SOX6: variants seen among roughly 807,000 people sequenced by gnomAD.
SOX6 encodes the protein SRY-box transcription factor 6.
In SOX6, 11 loss-of-function variants were observed where a neutral mutation model predicts 97.8. That is an observed-to-expected ratio of 0.11 (90% CI 0.07 to 0.19). The LOEUF (loss-of-function observed/expected upper bound fraction) is 0.19, where lower values mean the gene tolerates loss of function less well. SOX6 is among the 10% of genes least tolerant of loss of function. SOX6 has a pLI of 1.00. For missense variants in SOX6, 810 were observed against 1,039.5 expected (o/e 0.78, Z 3.04); for synonymous variants, 360 against 371.4 (o/e 0.97, Z 0.35).
intron 2 of SOX6, among the ~76,000 whole-genome samples, chr11:16,338,467 A>C (rs1351432970): frequency 6.6e-6 from 1 of 152,010 alleles, no homozygotes; most frequent in Non-Finnish European, 1.5e-5. Context: ...AGTATAAGTC[A>C]TTACAGGTCT....
chr11:16,018,228 C>G (rs908742891), intron 12 of SOX6, among the ~76,000 whole-genome samples: 2 of 152,064 alleles, frequency 1.3e-5, no homozygotes, highest in African/African-American at 4.8e-5. Flanking sequence ...GAGTCAATGA[C>G]GGGGCAGCCT....
chr11:16,143,492 C>A (rs1401351059), intron 6 of SOX6, among the ~76,000 whole-genome samples: 4 of 152,158 alleles, frequency 2.6e-5, no homozygotes, highest in Non-Finnish European at 5.9e-5. Flanking sequence ...ATCAAATTCA[C>A]ACATAAGAAT....
chr11:16,594,978 C>T (rs1848195677), intron 4 of SOX6, among the ~76,000 whole-genome samples: 2 of 152,126 alleles, frequency 1.3e-5, no homozygotes, highest in African/African-American at 4.8e-5. Flanking sequence ...AGGCGTGAGC[C>T]ACCGCGCCCG....
In SOX6 at chr11:16,613,510, C is replaced by T. The variant is rs1456027683; in HGVS notation, n.430-1250G>A. On this transcript the variant is annotated intron_variant and non_coding_transcript_variant, in intron 3 of 5. Coordinates refer to the SOX6 transcript ENST00000524520. This position sits in a 1 kb window ranked among gnomAD's most constrained non-coding sequence, Gnocchi z 4.6. ...CGAAGCCCCAGCCCGCTGGGTCGCT[C>T]GGCCTGAGGGCTCAGGTGATGGAGA... is the stretch of plus-strand genomic sequence containing the variant. Among the ~76,000 whole-genome samples, 1 of 152,132 alleles carries T rather than the reference C, an allele frequency of 6.6e-6. No individual in the cohort carries two copies. The highest frequency in any genetic ancestry group is 1.5e-5 in the Non-Finnish European group (1 of 68,016).
chr11:16,575,920 C>A (rs73419003), intron 4 of SOX6, among the ~76,000 whole-genome samples: 4,956 of 152,176 alleles, frequency 0.033, 254 homozygotes, highest in African/African-American at 0.11. Flanking sequence ...ATTTTAAATA[C>A]CTTATATGTT....
chr11:16,679,912 A>T (rs1847913307), intron 3 of SOX6, among the ~76,000 whole-genome samples: 1 of 152,220 alleles, frequency 6.6e-6, no homozygotes, highest in Non-Finnish European at 1.5e-5. Flanking sequence ...ATTAGAGAAA[A>T]AAGAATGAAA....
chr11:16,680,171 G>C (rs536762910), intron 3 of SOX6, among the ~76,000 whole-genome samples: 1 of 152,294 alleles, frequency 6.6e-6, no homozygotes, highest in East Asian at 1.9e-4. Flanking sequence ...ATTCACCAAG[G>C]TTGAAATGAA....
intron 3 of SOX6, among the ~76,000 whole-genome samples, chr11:16,642,586 C>T (rs888082868): frequency 5.3e-5 from 8 of 152,178 alleles, no homozygotes; most frequent in African/African-American, 1.9e-4. Flanking sequence ...TCACATAGCC[C>T]ATATTTCTTG....
At chr11:16,237,432 C>G (rs1853057928) in intron 3 of SOX6, among the ~76,000 whole-genome samples, 2 of 151,972 alleles carry the variant, frequency 1.3e-5, no homozygotes, top group Non-Finnish European at 2.9e-5. Flanking sequence ...AAAACAATAT[C>G]CAGGTATGGG....
intron 3 of SOX6, chr11:16,313,983 C>G (rs933134095): frequency 6.6e-6 from 1 of 152,036 alleles, no homozygotes; most frequent in Non-Finnish European, 1.5e-5. Flanking sequence ...CCCTCATTAT[C>G]TCTAGCTTGA....
At chr11:16,208,150 T>G (rs1852122821) in intron 4 of SOX6, among the ~76,000 whole-genome samples, 1 of 152,224 alleles carries the variant, frequency 6.6e-6, no homozygotes, top group South Asian at 2.1e-4. Context: ...TTTGAATAAT[T>G]GTGTAGACTT....
chr11:16,020,243 G>A (rs1855012464), intron 12 of SOX6, among the ~76,000 whole-genome samples: 1 of 151,806 alleles, frequency 6.6e-6, no homozygotes, highest in African/African-American at 2.4e-5. Context: ...ATAGCCTCTT[G>A]CCCTCAACCC....
intron 3 of SOX6, among the ~76,000 whole-genome samples, chr11:16,306,531 C>T (rs1251804236): frequency 6.6e-6 from 1 of 150,894 alleles, no homozygotes; most frequent in Non-Finnish European, 1.5e-5. Context: ...GTATGTTGGA[C>T]TAAATAACTA....
intron 6 of SOX6, among the ~76,000 whole-genome samples, chr11:16,175,554 C>T (rs1282821209): frequency 6.6e-6 from 1 of 151,848 alleles, no homozygotes; most frequent in Non-Finnish European, 1.5e-5. Flanking sequence ...AATAACACAT[C>T]TTATTCTCTA....
chr11:16,343,657 T>C (rs1389978157), intron 1 of SOX6, among the ~76,000 whole-genome samples: 4 of 151,860 alleles, frequency 2.6e-5, no homozygotes, highest in African/African-American at 9.7e-5. Context: ...TTTCCTGCAA[T>C]TACATTAAAT....
rs1848426494 is a variant in SOX6 at position 16,613,503 on chromosome 11, G to T, written n.430-1243C>A. Among the ~76,000 whole-genome samples the T allele has an allele frequency of 6.6e-6, 1 of 152,032 alleles. No homozygotes were observed. Among genetic ancestry groups the T allele is most frequent in the African/African-American group, 2.4e-5 (1 of 41,378 alleles). On this transcript the variant is annotated intron_variant and non_coding_transcript_variant, in intron 3 of 5. Coordinates refer to the SOX6 transcript ENST00000524520. The surrounding 1 kb of genome is among the most constrained non-coding windows in gnomAD (Gnocchi z 4.6). ...GTGGTTCCGAAGCCCCAGCCCGCTGGGTCGCTCGGCCTGAGGGCTCAGGTG... is the reference window on the plus strand; with the variant it reads ...GTGGTTCCGAAGCCCCAGCCCGCTGTGTCGCTCGGCCTGAGGGCTCAGGTG...
chr11:16,201,923 G>A lies in SOX6; in HGVS notation c.536-14968C>T, dbSNP rs541068643. The stretch of plus-strand genomic sequence containing the variant: ...GCTGGGATTACAGGCGTGAGCCACC[G>A]CGCCCGGCCTGCAAAGTATTTTTAA... On this transcript the variant is annotated intron_variant, in intron 4 of 15. Coordinates refer to ENST00000683767, the MANE Select transcript of SOX6 (RefSeq NM_001367873.1). 1.5e-3 allele frequency among the ~76,000 whole-genome samples: 221 copies of A among 151,634 alleles called. 3 individuals are homozygous for A. Among genetic ancestry groups the A allele is most frequent in the Non-Finnish European group, 2.5e-3 (173 of 67,960 alleles).
chr11:16,264,891 A>C (rs1854027214), intron 3 of SOX6: 1 of 151,668 alleles, frequency 6.6e-6, no homozygotes, highest in Non-Finnish European at 1.5e-5. Context: ...TTTGAGAAAT[A>C]AGGTTTCAAG....
chr11:16,210,434 C>A (rs1028311643), intron 4 of SOX6, among the ~76,000 whole-genome samples: 2 of 152,032 alleles, frequency 1.3e-5, no homozygotes, highest in African/African-American at 4.8e-5. Context: ...CCAGAATAGG[C>A]AAATCTACAG....
Sources: gnomAD v4.1 joint callset for allele counts (sites outside exome capture counted in the v4.1 genomes callset) on GRCh38, gnomAD v4.1.1 for gene constraint, Gnocchi (gnomAD v3.1) non-coding constraint, MANE v1.5 for transcripts, NCBI Gene and HGNC (gene_info 2026-07-23, HGNC 2026-07-21) for gene names.